Variants in FLG observed in about 807,000 individuals in gnomAD.
FLG encodes epidermal filaggrin.
FLG carries 6 observed loss-of-function variants against 3.8 expected under a neutral mutation model. The observed-to-expected ratio is 1.60, with a 90% CI of 0.87 to 3.15. The LOEUF is 3.15. FLG is among the 30% of genes most tolerant of loss of function. The probability of loss-of-function intolerance (pLI) is 0.00; values close to 1 mark genes in which losing one functional copy is unlikely to be tolerated. For synonymous variants in FLG, 2,551 were observed against 1,931.6 expected, an observed-to-expected ratio of 1.32 and a Z score of -8.41; for missense variants, 7,595 against 5,050.9, an observed-to-expected ratio of 1.50 and a Z score of -15.27.
Position 152,313,232 on chromosome 1 carries a change from G to A in FLG, c.1654C>T (p.Gln552Ter). 6.2e-7 allele frequency: 1 copy of A among 1,613,868 alleles called. No homozygotes were observed. The highest frequency in any genetic ancestry group is 8.5e-7 in the Non-Finnish European group (1 of 1,180,016). The change falls in exon 3 of 3, where the codon CAG becomes TAG. Residue 552 changes from glutamine (Q) to a stop codon, truncating the protein, a stop_gained. Transcript: ENST00000368799. LOFTEE classifies it low-confidence loss of function (END_TRUNC). ...CCATGGGAGGCATCAGACCTTCCCTGGGATGTGGTGTGGCTGTGATGGGAA... is the reference window on the plus strand; with the variant it reads ...CCATGGGAGGCATCAGACCTTCCCTAGGATGTGGTGTGGCTGTGATGGGAA... ...SGSHHSHTTS[Q>*]GRSDASHGQS... is the part of the protein sequence containing the mutation.
Position 152,307,508 on chromosome 1 carries a change from C to T in FLG, c.7378G>A (p.Asp2460Asn). ...SRHSTSQEGQ[D>N]TIHGHPGSSS... ...GACCCCGGGTGTCCATGAATGGTGT[C>T]CTGACCCTCTTGGGACGTTGAGTGC... The change falls in exon 3 of 3, where the codon GAC (aspartate) becomes AAC (asparagine). Residue 2460 changes from aspartate to asparagine, a missense_variant. Transcript: ENST00000368799. 3 of 1,613,552 alleles carry T rather than the reference C, an allele frequency of 1.9e-6. No individual in the cohort carries two copies. Among genetic ancestry groups the T allele is most frequent in the Non-Finnish European group, 2.5e-6 (3 of 1,179,818 alleles).
In FLG at chr1:152,307,293, C is replaced by A. The variant is rs1211350311; in HGVS notation, c.7593G>T (p.Gly2531=). 3 of 1,612,950 alleles carry A rather than the reference C, an allele frequency of 1.9e-6. No individual in the cohort carries two copies. Among genetic ancestry groups the A allele is most frequent in the African/African-American group, 1.3e-5 (1 of 74,346 alleles). The change falls in exon 3 of 3, where the codon GGG becomes GGT. Residue 2531 remains glycine, a synonymous_variant. Transcript: ENST00000368799. ...GAGAGGAAGCTTCATGGTGACGCGA[C>A]CCTGAGTGCCTGGAGCCGTCTCCTG... is the stretch of plus-strand genomic sequence containing the variant. ...EQSGDGSRHS[G]SRHHEASSRA...
intron 1 of FLG, among the ~76,000 whole-genome samples, chr1:152,323,202 G>T (rs1260717201): frequency 6.6e-6 from 1 of 151,642 alleles, no homozygotes; most frequent in Non-Finnish European, 1.5e-5. Context: ...AGAGATAAAC[G>T]AAGATAACAT....
Position 152,313,773 on chromosome 1 carries a change from T to A in FLG, c.1113A>T (p.Ser371=). ...GACTTGATCTTGCCTGTTCATGGGA[T>A]GATGCAGTCTGTCCACGAGAGGAAG... ...AETSSRGQTA[S]SHEQARSSPG... The change falls in exon 3 of 3, where the codon TCA becomes TCT. Residue 371 remains serine, a synonymous_variant. Transcript: ENST00000368799. The A allele has an allele frequency of 6.2e-7, 1 of 1,614,158 alleles. No individual in the cohort carries two copies. The highest frequency in any genetic ancestry group is 8.5e-7 in the Non-Finnish European group (1 of 1,180,008).
At position 152,305,345 on chromosome 1, in the gene FLG, G is replaced by C; in HGVS notation, c.9541C>G (p.Arg3181Gly). The C allele has an allele frequency of 1.9e-6, 3 of 1,606,826 alleles. No homozygotes were observed. The highest frequency in any genetic ancestry group is 2.5e-6 in the Non-Finnish European group (3 of 1,177,574). Residue 3181 changes from arginine to glycine, a missense_variant, in exon 3 of 3, where the codon CGT becomes GGT. Arg to Gly is a moderately radical substitution (Grantham distance 125). Coordinates refer to ENST00000368799, the MANE Select transcript of FLG (RefSeq NM_002016.2). ...SGDSSRHSVS[R>G]HHEASTHADI... is the part of the protein sequence containing the mutation. Reference sequence around the variant, plus strand: ...GCATGAGTGGAAGCTTCATGGTGACGTGACACTGAGTGCCTGGAGCTGTCT... The same window carrying C: ...GCATGAGTGGAAGCTTCATGGTGACCTGACACTGAGTGCCTGGAGCTGTCT...
chr1:152,319,207 A>G (rs1477822540), intron 1 of FLG, among the ~76,000 whole-genome samples: 1 of 151,110 alleles, frequency 6.6e-6, no homozygotes, highest in Non-Finnish European at 1.5e-5. Flanking sequence ...AGACTAGATG[A>G]TATTTTTTGG....
Position 152,311,126 on chromosome 1 carries a change from G to T in FLG, c.3760C>A (p.Gln1254Lys). The T allele has an allele frequency of 1.2e-6, 2 of 1,613,824 alleles. No homozygotes were observed. The highest frequency in any genetic ancestry group is 1.7e-6 in the Non-Finnish European group (2 of 1,179,970). Residue 1254 changes from glutamine to lysine, a missense_variant, in exon 3 of 3, where the codon CAG becomes AAG. Gln to Lys is a moderately conservative substitution (Grantham distance 53). Coordinates refer to ENST00000368799, the MANE Select transcript of FLG (RefSeq NM_002016.2). ...GTCCTGGACCCCGATGATTGTTCCT[G>T]TCCCACCTGTGAGTGTCTAGAGCTG... ...ADSSRHSQVG[Q>K]EQSSGSRTSR...
chr1:152,314,101 G>A lies in FLG; in HGVS notation c.785C>T (p.Ser262Leu). 2 of 1,614,088 alleles carry A rather than the reference G, an allele frequency of 1.2e-6. No individual in the cohort carries two copies. Residue 262 changes from serine (S) to leucine (L), a missense_variant, in exon 3 of 3, where the codon TCA (serine) becomes TTA (leucine). Transcript: ENST00000368799. The stretch of plus-strand genomic sequence containing the variant: ...TTGAGATGATGATTTGCCATCAGAT[G>A]ACCTTGATCTTTCATATATTTTGTT... ...EENKIYERSR[S>L]SDGKSSSQVN...
chr1:152,313,337 G>A lies in FLG; in HGVS notation c.1549C>T (p.Arg517Cys). The A allele has an allele frequency of 1.9e-6, 3 of 1,613,540 alleles. No homozygotes were observed. Among genetic ancestry groups the A allele is most frequent in the Non-Finnish European group, 2.5e-6 (3 of 1,179,904 alleles). ...SASQEGQDTI[R>C]GHPGSSRGGR... ...CCTCTGCTTGACCCCGGGTGTCCAC[G>A]AATGGTGTCCTGACCCTCTTGGGAC... The change falls in exon 3 of 3, where the codon CGT (arginine) becomes TGT (cysteine). Residue 517 changes from arginine (R) to cysteine (C), a missense_variant. Transcript: ENST00000368799.
rs145497350 is a variant in FLG at position 152,314,116 on chromosome 1, T to A, written c.770A>T (p.Tyr257Phe). 597 of 1,614,170 alleles carry A rather than the reference T, an allele frequency of 3.7e-4. 8 individuals are homozygous for A. The African/African-American group carries it at 5.7e-3, about 15-fold the overall frequency. ...GCCATCAGATGACCTTGATCTTTCATATATTTTGTTTTCTTCTAATAGACT... is the reference window on the plus strand; with the variant it reads ...GCCATCAGATGACCTTGATCTTTCAAATATTTTGTTTTCTTCTAATAGACT... ...TDSLLEENKIYERSRSSDGKS... is the reference protein window; with the variant it reads ...TDSLLEENKIFERSRSSDGKS... The change falls in exon 3 of 3, where the codon TAT becomes TTT. Residue 257 changes from tyrosine (Y) to phenylalanine (F), a missense_variant. Transcript: ENST00000368799.
In FLG at chr1:152,304,773, G is replaced by A. The variant is rs141599535; in HGVS notation, c.10113C>T (p.Ser3371=). 122 of 1,613,560 alleles carry A rather than the reference G, an allele frequency of 7.6e-5. No individual in the cohort carries two copies. Among genetic ancestry groups the A allele is most frequent in the Middle Eastern group, 1.6e-4 (1 of 6,078 alleles). Residue 3371 remains serine (S), a synonymous_variant, in exon 3 of 3, where the codon TCC becomes TCT. Coordinates refer to ENST00000368799, the MANE Select transcript of FLG (RefSeq NM_002016.2). ...ACCTTCCCCCTGACCGGTCACGTGCGGACTCTTGGTGGCTCTGCTGATGGG... is the reference window on the plus strand; with the variant it reads ...ACCTTCCCCCTGACCGGTCACGTGCAGACTCTTGGTGGCTCTGCTGATGGG... ...AGPHQQSHQE[S]ARDRSGGRSG...
chr1:152,312,297 C>G lies in FLG; in HGVS notation c.2589G>C (p.Arg863Ser), dbSNP rs149855516. ...QGSHHEQSVD[R>S]SGHSGSHHSH... is the part of the protein sequence containing the mutation. ...TGTGATGGGACCCTGAGTGTCCAGA[C>G]CTATCTACCGATTGCTCGTGGTGGG... Residue 863 changes from arginine (R) to serine (S), a missense_variant, in exon 3 of 3, where the codon AGG becomes AGC. Physicochemically the swap from Arg to Ser is moderately radical, Grantham distance 110. Transcript: ENST00000368799. 1,176 of 1,613,460 alleles carry G rather than the reference C, an allele frequency of 7.3e-4. 6 individuals carry two copies. The African/African-American group carries it at 7.9e-3, about 11-fold the overall frequency.
rs1228721756 is a variant in FLG, at chr1:152,312,652, C to T, written c.2234G>A (p.Ser745Asn). The part of the protein sequence containing the change: ...RDSGHRGSSG[S>N]QATDSEGHSE... ...ATGTCCCTCACTGTCAGTGGCCTGA[C>T]TACCACTGGACCCTCGGTGTCCACT... The change falls in exon 3 of 3, where the codon AGT becomes AAT. Residue 745 changes from serine (S) to asparagine (N), a missense_variant. Transcript: ENST00000368799. 6.2e-7 allele frequency: 1 copy of T among 1,613,878 alleles called. No individual in the cohort carries two copies. Among genetic ancestry groups the T allele is most frequent in the Non-Finnish European group, 8.5e-7 (1 of 1,180,016 alleles).
rs1364492847 is a variant in FLG at position 152,305,043 on chromosome 1, A to G, written c.9843T>C (p.Thr3281=). Residue 3281 remains threonine, a synonymous_variant, in exon 3 of 3, where the codon ACT becomes ACC. Transcript: ENST00000368799. ...ATGATGCAGCCTGTCCACCAGAGGA[A>G]GTCTCTGCGTGACGAGTGCCTGATT... ...SRQSGTRHAE[T]SSGGQAASSH... 9 of 1,613,852 alleles carry G rather than the reference A, an allele frequency of 5.6e-6. No homozygotes were observed. The African/African-American group carries it at 1.2e-4, about 22-fold the overall frequency.
rs553216612 is a variant in FLG at position 152,313,336 on chromosome 1, C to A, written c.1550G>T (p.Arg517Leu). The A allele has an allele frequency of 3.1e-6, 5 of 1,613,350 alleles. No individual in the cohort carries two copies. The African/African-American group carries it at 6.7e-5, about 22-fold the overall frequency. The change falls in exon 3 of 3, where the codon CGT becomes CTT. Residue 517 changes from arginine (R) to leucine (L), a missense_variant. Physicochemically the swap from Arg to Leu is moderately radical, Grantham distance 102 (BLOSUM62 -2). Transcript: ENST00000368799. ...SASQEGQDTI[R>L]GHPGSSRGGR... ...TCCTCTGCTTGACCCCGGGTGTCCA[C>A]GAATGGTGTCCTGACCCTCTTGGGA...
In FLG at chr1:152,304,033, G is replaced by C; in HGVS notation, c.10853C>G (p.Ala3618Gly). Residue 3618 changes from alanine (A) to glycine (G), a missense_variant, in exon 3 of 3, where the codon GCA (alanine) becomes GGA (glycine). By Grantham distance (60) the Ala-to-Gly change is moderately conservative. Transcript: ENST00000368799. Reference protein sequence around the residue: ...GGQAASSHEQARSSAGERHGS... With the variant: ...GGQAASSHEQGRSSAGERHGS... ...ATGTCTCTCTCCTGCACTTGATCTT[G>C]CCTGTTCATGGGATGATGCAGCCTG... The C allele has an allele frequency of 6.2e-7, 1 of 1,613,706 alleles. No individual in the cohort carries two copies. The highest frequency in any genetic ancestry group is 2.2e-5 in the East Asian group (1 of 44,698).
rs768211654 is a variant in FLG at position 152,304,867 on chromosome 1, GC to G, written c.10018del (p.Ala3340ProfsTer51). On this transcript the variant is annotated frameshift_variant, in exon 3 of 3. Coordinates refer to ENST00000368799, the MANE Select transcript of FLG (RefSeq NM_002016.2). LOFTEE classifies it low-confidence loss of function (END_TRUNC). ...TTCTGAATGTCCCTCACTATCACTG[GC>G]CTGACTACCACTGGACCCCCAGTGT... ...SRHWGSSGSQASDSEGHSEES... is the reference protein window; with the variant it reads ...SRHWGSSGSQXSDSEGHSEES... 1.9e-6 allele frequency: 3 copies of G among 1,613,462 alleles called. No homozygotes were observed. The South Asian group carries it at 3.3e-5, about 18-fold the overall frequency.
At chr1:152,322,091 G>T (rs1652996535) in intron 1 of FLG, among the ~76,000 whole-genome samples, 1 of 150,996 alleles carries the variant, frequency 6.6e-6, no homozygotes, top group Non-Finnish European at 1.5e-5. Flanking sequence ...TATTAATTCT[G>T]ATTAATAAAT....
rs547457092 is a variant in FLG at position 152,304,492 on chromosome 1, C to T, written c.10394G>A (p.Ser3465Asn). The change falls in exon 3 of 3, where the codon AGC (serine) becomes AAC (asparagine). Residue 3465 changes from serine to asparagine, a missense_variant. Physicochemically the swap from Ser to Asn is conservative, Grantham distance 46. Coordinates refer to ENST00000368799, the MANE Select transcript of FLG (RefSeq NM_002016.2). The part of the protein sequence containing the change: ...DRSGHSGSHH[S>N]HTTSQGRSDA... Reference sequence around the variant, plus strand: ...AGACCTTCCCTGGGATGTGGTGTGGCTGTGATGGGACCCTGAGTGTCCAGA... The same window carrying T: ...AGACCTTCCCTGGGATGTGGTGTGGTTGTGATGGGACCCTGAGTGTCCAGA... 6.2e-6 allele frequency: 10 copies of T among 1,612,930 alleles called. No homozygotes were observed. Among genetic ancestry groups the T allele is most frequent in the African/African-American group, 1.3e-5 (1 of 74,816 alleles).
Sources: allele counts gnomAD v4.1 joint callset (sites outside exome capture counted in the v4.1 genomes callset), GRCh38; gene constraint gnomAD v4.1.1; transcripts MANE v1.5; gene names NCBI Gene and HGNC (gene_info 2026-07-23, HGNC 2026-07-21).